The following EPHA6 variants were observed in gnomAD, a reference collection of about 807,000 sequenced individuals.
The protein encoded by EPHA6 is ephrin type-A receptor 6.
In EPHA6, 50 loss-of-function variants were observed where a neutral mutation model predicts 112.0. That is an observed-to-expected ratio of 0.45 (90% CI 0.36 to 0.56). The LOEUF is 0.56. EPHA6 is among the 20% of genes least tolerant of loss of function. The pLI is 0.00. For missense variants in EPHA6, 1,280 were observed against 1,417.4 expected (o/e 0.90, Z 1.56); for synonymous variants, 529 against 490.7 (o/e 1.08, Z -1.03).
intron 12 of EPHA6, among the ~76,000 whole-genome samples, chr3:97,597,183 A>G (rs2093601913): frequency 6.6e-6 from 1 of 151,918 alleles, no homozygotes; most frequent in African/African-American, 2.4e-5. Context: ...GAAGCTCTTT[A>G]GTTATTGAAG....
intron 2 of EPHA6, among the ~76,000 whole-genome samples, chr3:96,963,747 G>A (rs2042027249): frequency 6.6e-6 from 1 of 152,128 alleles, no homozygotes; most frequent in Non-Finnish European, 1.5e-5. Context: ...GGTTTCAGTT[G>A]TGATCTCTGC....
At chr3:97,390,017 C>G (rs1235556123) in intron 5 of EPHA6, among the ~76,000 whole-genome samples, 1 of 152,068 alleles carries the variant, frequency 6.6e-6, no homozygotes, top group African/African-American at 2.4e-5. Context: ...GGGTAAAACA[C>G]AGGGCTCAGC....
chr3:97,603,008 T>G (rs1039969022), intron 12 of EPHA6, among the ~76,000 whole-genome samples: 3 of 151,992 alleles, frequency 2.0e-5, no homozygotes, highest in African/African-American at 4.8e-5. Flanking sequence ...TCACAAATAA[T>G]TTCAAAAGAT....
chr3:97,320,188 A>T (rs2082041981), intron 5 of EPHA6, among the ~76,000 whole-genome samples: 1 of 152,076 alleles, frequency 6.6e-6, no homozygotes, highest in African/African-American at 2.4e-5. Flanking sequence ...ACACAGAAAT[A>T]GACAGTTAGT....
chr3:97,553,851 A>T (rs923237125), intron 11 of EPHA6, among the ~76,000 whole-genome samples: 15 of 152,156 alleles, frequency 9.9e-5, no homozygotes, highest in Admixed American at 5.2e-4. Flanking sequence ...AAGGAAGGTA[A>T]TTGATGTCTA....
chr3:97,586,747 C>A (rs914489196), intron 11 of EPHA6, among the ~76,000 whole-genome samples: 2 of 152,084 alleles, frequency 1.3e-5, no homozygotes, highest in Middle Eastern at 6.3e-3. Flanking sequence ...GACAGACAGA[C>A]AGACAGATAA....
Position 96,922,267 on chromosome 3 carries a change from A to G in EPHA6, c.450+55378A>G, listed in dbSNP as rs553828746. On this transcript the variant is annotated intron_variant, in intron 2 of 17. Transcript: ENST00000389672. ...CCTCCTGCTAAATAAAGAAGTAATG[A>G]TAGAATTAGAAACCACTGTTTTTCA... 3.0e-4 allele frequency among the ~76,000 whole-genome samples: 45 copies of G among 152,308 alleles called. 1 individual carries two copies. The South Asian group carries it at 4.8e-3, about 16-fold the overall frequency.
At chr3:96,826,333 C>T (rs2033656771) in intron 1 of EPHA6, among the ~76,000 whole-genome samples, 2 of 151,942 alleles carry the variant, frequency 1.3e-5, no homozygotes, top group South Asian at 4.1e-4. Context: ...ACACATAAGA[C>T]ACTTGTGATA....
intron 3 of EPHA6, among the ~76,000 whole-genome samples, chr3:97,201,972 T>C (rs548440612): frequency 6.6e-6 from 1 of 152,186 alleles, no homozygotes; most frequent in African/African-American, 2.4e-5. Context: ...AACTAGGCAC[T>C]CTAATGGGCA....
chr3:97,224,944 G>A (rs894413523), intron 3 of EPHA6, among the ~76,000 whole-genome samples: 1 of 150,944 alleles, frequency 6.6e-6, no homozygotes, highest in African/African-American at 2.4e-5. Flanking sequence ...TGCTTTTTTG[G>A]GTTTTTTTGT....
intron 5 of EPHA6, among the ~76,000 whole-genome samples, chr3:97,310,313 A>G (rs1297440124): frequency 6.6e-6 from 1 of 151,664 alleles, no homozygotes; most frequent in Non-Finnish European, 1.5e-5. Flanking sequence ...ACACACATCA[A>G]CTTGGAAAAG....
chr3:97,088,933 G>A (rs995959383), intron 3 of EPHA6, among the ~76,000 whole-genome samples: 3 of 152,128 alleles, frequency 2.0e-5, no homozygotes, highest in African/African-American at 7.2e-5. Context: ...AAAAGTTTGG[G>A]AAAAGAGCAT....
intron 5 of EPHA6, among the ~76,000 whole-genome samples, chr3:97,396,597 G>T (rs886780343): frequency 3.3e-5 from 5 of 151,516 alleles, no homozygotes; most frequent in African/African-American, 1.2e-4. Flanking sequence ...CATTTTAGGA[G>T]AAAATGTAGT....
At chr3:96,942,124 A>ATT (rs2040990836) in intron 2 of EPHA6, among the ~76,000 whole-genome samples, 2 of 152,158 alleles carry the variant, frequency 1.3e-5, no homozygotes, top group Admixed American at 1.3e-4. Context: ...TGGGAGAACC[A>ATT]CTACTCTCCT....
intron 2 of EPHA6, among the ~76,000 whole-genome samples, chr3:96,965,927 A>T (rs2042108498): frequency 6.6e-6 from 1 of 152,030 alleles, no homozygotes; most frequent in Non-Finnish European, 1.5e-5. Flanking sequence ...TGTACAATTT[A>T]TTTGATACTT....
intron 1 of EPHA6, among the ~76,000 whole-genome samples, chr3:96,820,176 G>A (rs2033140511): frequency 6.6e-6 from 1 of 152,108 alleles, no homozygotes; most frequent in Non-Finnish European, 1.5e-5. Flanking sequence ...GAGAGTTGCA[G>A]AAAGTGAAGT....
At chr3:96,878,318 G>A (rs2037098932) in intron 2 of EPHA6, among the ~76,000 whole-genome samples, 1 of 151,874 alleles carries the variant, frequency 6.6e-6, no homozygotes, top group South Asian at 2.1e-4. Context: ...AATAGAGAGA[G>A]AGAGGGGGAG....
chr3:97,514,232 G>A (rs574992188), intron 10 of EPHA6, among the ~76,000 whole-genome samples: 40 of 152,198 alleles, frequency 2.6e-4, no homozygotes, highest in African/African-American at 9.4e-4. Context: ...CTCTAAAGAT[G>A]GCCTTCATTC....
At chr3:97,664,346 C>A (rs946596388) in intron 14 of EPHA6, among the ~76,000 whole-genome samples, 2 of 152,160 alleles carry the variant, frequency 1.3e-5, no homozygotes, top group Non-Finnish European at 2.9e-5. Context: ...TTAATTAGAT[C>A]CCATTTGTCA....
Sources: gnomAD v4.1 joint callset for allele counts (sites outside exome capture counted in the v4.1 genomes callset) on GRCh38, gnomAD v4.1.1 for gene constraint, MANE v1.5 for transcripts, NCBI Gene and HGNC (gene_info 2026-07-23, HGNC 2026-07-21) for gene names.